Variants in ORC3 observed in about 807,000 individuals in gnomAD.
ORC3 encodes homolog of latheo, Drosophila.
In ORC3, 78 loss-of-function variants were observed where a neutral mutation model predicts 100.7. The ratio of observed to expected loss-of-function variants is 0.77; its 90% CI spans 0.65 to 0.94. ORC3 has a LOEUF of 0.94. Among genes scored for constraint, ORC3 ranks in the 40% least tolerant of loss-of-function variants. The pLI is 0.00. For missense variants in ORC3, 789 were observed against 823.9 expected (o/e 0.96, Z 0.52); for synonymous variants, 295 against 289.3 (o/e 1.02, Z -0.20).
chr6:87,632,036 C>T (rs954472292), intron 11 of ORC3, among the ~76,000 whole-genome samples: 3 of 151,914 alleles, frequency 2.0e-5, no homozygotes, highest in African/African-American at 7.2e-5. Context: ...TTATGGCAGG[C>T]GCCTGTAATT....
intron 2 of ORC3, chr6:87,595,152 A>G (rs1195423795): frequency 6.6e-6 from 1 of 152,260 alleles, no homozygotes; most frequent in African/African-American, 2.4e-5. Context: ...AAAAAGCCCA[A>G]GGTCTTGGAT....
chr6:87,610,714 T>C (rs1321210779), intron 7 of ORC3, among the ~76,000 whole-genome samples: 23 of 144,970 alleles, frequency 1.6e-4, no homozygotes, highest in Non-Finnish European at 2.9e-4. Flanking sequence ...CCACCGCGCC[T>C]GGCTAATTTT....
chr6:87,662,555 G>A (rs929204759), intron 16 of ORC3, among the ~76,000 whole-genome samples: 5 of 152,196 alleles, frequency 3.3e-5, no homozygotes, highest in African/African-American at 1.2e-4. Context: ...TTCCAGGCCT[G>A]TGTTTAATAT....
At chr6:87,606,189 A>C (rs1363216655) in intron 5 of ORC3, among the ~76,000 whole-genome samples, 168 bp downstream of exon 5, 2 of 152,204 alleles carry the variant, frequency 1.3e-5, no homozygotes, top group Non-Finnish European at 2.9e-5. Context: ...TGACTATTAC[A>C]GAACTCTGCC....
chr6:87,605,893 T>C (rs764015650), intron 4 of ORC3, 24 bp from the exon 5 acceptor site: 30 of 1,147,988 alleles, frequency 2.6e-5, no homozygotes, highest in Admixed American at 2.3e-4. Flanking sequence ...AATGGTGATG[T>C]AATATTGATG....
chr6:87,604,919 A>G (rs1326774228), intron 4 of ORC3, among the ~76,000 whole-genome samples: 2 of 152,206 alleles, frequency 1.3e-5, no homozygotes, highest in African/African-American at 4.8e-5. Context: ...CCAAGCAATG[A>G]AAGTTTTGCA....
chr6:87,619,531 T>C (rs1252912869), intron 9 of ORC3, among the ~76,000 whole-genome samples: 1 of 152,138 alleles, frequency 6.6e-6, no homozygotes, highest in Non-Finnish European at 1.5e-5. Flanking sequence ...CTCAGCCTCC[T>C]GAGCAGCTGG....
chr6:87,650,715 TAAG>T (rs35649388), intron 13 of ORC3, among the ~76,000 whole-genome samples: 8,835 of 152,228 alleles, frequency 0.058, 307 homozygotes, highest in African/African-American at 0.099. Context: ...TGGCTAAGAA[TAAG>T]AGGACTAGAC....
intron 11 of ORC3, among the ~76,000 whole-genome samples, chr6:87,631,739 G>A (rs567105202): frequency 7.2e-4 from 110 of 151,744 alleles, no homozygotes; most frequent in African/African-American, 2.4e-3. Flanking sequence ...TGATCCACCC[G>A]CCTCGGCCTC....
intron 17 of ORC3, among the ~76,000 whole-genome samples, chr6:87,663,481 G>A (rs1448869109): frequency 6.6e-6 from 1 of 152,240 alleles, no homozygotes; most frequent in East Asian, 1.9e-4. Flanking sequence ...CATAACAGCA[G>A]ACAGGGATTA....
chr6:87,659,063 T>C (rs1769968640), intron 16 of ORC3, among the ~76,000 whole-genome samples: 2 of 143,428 alleles, frequency 1.4e-5, no homozygotes, highest in Non-Finnish European at 3.0e-5. Context: ...TTGTAATTTT[T>C]TTTTTTTTTT....
chr6:87,643,336 A>G (rs1173022423), intron 13 of ORC3, among the ~76,000 whole-genome samples: 1 of 151,906 alleles, frequency 6.6e-6, no homozygotes, highest in Admixed American at 6.6e-5. Flanking sequence ...GCATTTAACA[A>G]GCACTCTGGC....
chr6:87,591,046 G>C (rs1400972044), intron 1 of ORC3, among the ~76,000 whole-genome samples: 2 of 152,172 alleles, frequency 1.3e-5, no homozygotes, highest in Non-Finnish European at 2.9e-5. Flanking sequence ...ATTTAAATTT[G>C]AGTTAAAATA....
intron 11 of ORC3, among the ~76,000 whole-genome samples, chr6:87,633,531 T>C (rs1021431610): frequency 2.0e-5 from 3 of 152,186 alleles, no homozygotes; most frequent in Admixed American, 6.5e-5. Context: ...GACCCGTAGA[T>C]CGTTGACCAA....
chr6:87,676,361 G>A, the ORC3 span, among the ~76,000 whole-genome samples: 7 of 148,628 alleles, frequency 4.7e-5, no homozygotes, highest in South Asian at 4.3e-4. Flanking sequence ...AACTACTCGG[G>A]AGGCTGAGGC....
At position 87,665,763 on chromosome 6, in the gene ORC3, A is replaced by G. The variant is rs995425127; in HGVS notation, c.1960A>G (p.Thr654Ala). 5 of 1,609,618 alleles carry G rather than the reference A, an allele frequency of 3.1e-6. No homozygotes were observed. Among genetic ancestry groups the G allele is most frequent in the Non-Finnish European group, 2.6e-6 (3 of 1,176,220 alleles). ...NLVDWSEAFA[T>A]VVTAAEKMDA... ...CTTGTCTATTCAAAAGGCTTTTGCA[A>G]CAGTTGTGACAGCTGCTGAAAAAAT... Residue 654 changes from threonine (T) to alanine (A), a missense_variant, in exon 19 of 20, where the codon ACA becomes GCA. Physicochemically the swap from Thr to Ala is moderately conservative, Grantham distance 58. This residue lies in a region of ORC3 where 366 missense variants were observed against 394.2 expected (regional missense o/e 0.93). Transcript: ENST00000392844.
intron 2 of ORC3, among the ~76,000 whole-genome samples, chr6:87,598,150 C>T (rs540651992): frequency 6.6e-6 from 1 of 152,266 alleles, no homozygotes; most frequent in South Asian, 2.1e-4. Context: ...CTGCCTTAGC[C>T]TCAGCTAGGA....
intron 13 of ORC3, among the ~76,000 whole-genome samples, chr6:87,650,574 ATGACT>A (rs1262884232): frequency 1.3e-5 from 2 of 152,192 alleles, no homozygotes; most frequent in African/African-American, 4.8e-5. Flanking sequence ...ATTTTAAATA[ATGACT>A]TTATTGGGGT....
chr6:87,657,328 T>G (rs957414148), intron 15 of ORC3, among the ~76,000 whole-genome samples: 1 of 152,226 alleles, frequency 6.6e-6, no homozygotes, highest in African/African-American at 2.4e-5. Flanking sequence ...AACTGAGAGA[T>G]TTAAAAGAGC....
Sources: allele counts gnomAD v4.1 joint callset (sites outside exome capture counted in the v4.1 genomes callset), GRCh38; gene constraint gnomAD v4.1.1; regional missense constraint gnomAD v4.1.1; transcripts MANE v1.5; gene names NCBI Gene and HGNC (gene_info 2026-07-23, HGNC 2026-07-21).